MOBP: variants seen among roughly 807,000 people sequenced by gnomAD.
The protein encoded by MOBP is myelin associated oligodendrocyte basic protein, also known as myelin-associated oligodendrocyte basic protein.
Under a neutral mutation model 15.0 loss-of-function variants are expected in MOBP, and 5 were observed. The observed-to-expected ratio is 0.33, with a 90% confidence interval of 0.17 to 0.70. The LOEUF (loss-of-function observed/expected upper bound fraction) is 0.70. Ranked by LOEUF, MOBP falls within the 30% of genes least tolerant of loss-of-function variation. The pLI is 0.67. For missense variants in MOBP, 188 were observed against 257.8 expected (o/e 0.73, Z 1.85); for synonymous variants, 88 against 99.0 (o/e 0.89, Z 0.66).
downstream of MOBP, among the ~76,000 whole-genome samples, chr3:39,516,446 G>C (rs140457219): frequency 1.2e-4 from 19 of 152,256 alleles, no homozygotes; most frequent in East Asian, 3.7e-3. Flanking sequence ...GGAGAGTATA[G>C]ATTCTGGTGG....
At chr3:39,491,902 G>A (rs559704514) in intron 2 of MOBP, among the ~76,000 whole-genome samples, 1 of 152,254 alleles carries the variant, frequency 6.6e-6, no homozygotes, top group South Asian at 2.1e-4. Context: ...ATCCAGATAG[G>A]TTTAAAATTT....
downstream of MOBP, among the ~76,000 whole-genome samples, chr3:39,506,780 G>C (rs1254825538): frequency 6.6e-6 from 1 of 152,194 alleles, no homozygotes; most frequent in African/African-American, 2.4e-5. Flanking sequence ...GCACAAGAGT[G>C]GTAAGGGCAA....
At chr3:39,475,408 T>C (rs2042531596) in intron 1 of MOBP, among the ~76,000 whole-genome samples, 1 of 152,212 alleles carries the variant, frequency 6.6e-6, no homozygotes, top group Non-Finnish European at 1.5e-5. Flanking sequence ...TATTTTGAGA[T>C]GATACAAATA....
At chr3:39,468,800 ATACATATGTGTGTGTATACATAT>A (rs1336390769) in intron 1 of MOBP, among the ~76,000 whole-genome samples, 3 of 122,624 alleles carry the variant, frequency 2.4e-5, no homozygotes, top group East Asian at 2.1e-4. Context: ...GTGTGTATAT[ATACATATGTGTGTGTATACATAT>A]TACATATGTG....
rs1361598508 is a variant in MOBP at position 39,502,549 on chromosome 3, C to G, written c.221C>G (p.Ala74Gly). 1 of 1,579,914 alleles carries G rather than the reference C, an allele frequency of 6.3e-7. No individual in the cohort carries two copies. The highest frequency in any genetic ancestry group is 1.7e-5 in the Admixed American group (1 of 57,200). The stretch of plus-strand genomic sequence containing the variant: ...GGCCCTCTCAGAACCAGCCGCCGTG[C>G]CAAGTCCCCTCAGAGGCCCAAGCAA... ...ACQKTRTSRR[A>G]KSPQRPKQQP... The change falls in exon 4 of 4, where the codon GCC becomes GGC. Residue 74 changes from alanine to glycine, a missense_variant. Coordinates refer to ENST00000684792, the MANE Select transcript of MOBP (RefSeq NM_001393704.1). This position sits in a 1 kb window ranked among gnomAD's most constrained non-coding sequence, Gnocchi z 6.3.
intron 2 of MOBP, among the ~76,000 whole-genome samples, chr3:39,490,353 G>C (rs2042777344): frequency 6.6e-6 from 1 of 152,094 alleles, no homozygotes; most frequent in Admixed American, 6.5e-5. Context: ...TGCTCTCAAG[G>C]GCATTGATAT....
chr3:39,522,096 T>C (rs1167936737), intron 3 of MOBP, among the ~76,000 whole-genome samples: 1 of 152,172 alleles, frequency 6.6e-6, no homozygotes, highest in Non-Finnish European at 1.5e-5. Flanking sequence ...TGTAAGGTGG[T>C]TCAGAGAAAG....
downstream of MOBP, among the ~76,000 whole-genome samples, chr3:39,518,499 C>T (rs907344483): frequency 3.9e-5 from 6 of 152,072 alleles, no homozygotes; most frequent in Non-Finnish European, 5.9e-5. Flanking sequence ...TTATTTACAT[C>T]GACATTAACC....
chr3:39,529,265 G>A (rs1402473919), downstream of MOBP: 1 of 152,206 alleles, frequency 6.6e-6, no homozygotes, highest in Non-Finnish European at 1.5e-5. Context: ...TTGTAACTGA[G>A]CTTCTTCTCC....
At chr3:39,520,552 GTGTGTA>G (rs1209922240), downstream of MOBP, among the ~76,000 whole-genome samples, 720 of 83,080 alleles carry the variant, frequency 8.7e-3, 6 homozygotes, top group African/African-American at 0.025. Context: ...GTGTGTGTGT[GTGTGTA>G]TGTGTGTGTG....
intron 2 of MOBP, among the ~76,000 whole-genome samples, chr3:39,482,209 A>G (rs1355726333): frequency 1.3e-5 from 2 of 151,964 alleles, no homozygotes; most frequent in Non-Finnish European, 2.9e-5. Context: ...CCTCCTCATT[A>G]CCACTTCTTA....
At chr3:39,481,180 C>T (rs1186627540) in intron 2 of MOBP, among the ~76,000 whole-genome samples, 1 of 152,216 alleles carries the variant, frequency 6.6e-6, no homozygotes, top group Non-Finnish European at 1.5e-5. Context: ...TAAAGAAAAA[C>T]AGAGTGGAGC....
chr3:39,485,671 C>G (rs367828454), intron 2 of MOBP, among the ~76,000 whole-genome samples: 3 of 152,180 alleles, frequency 2.0e-5, no homozygotes, highest in Non-Finnish European at 4.4e-5. Context: ...TGGGGCTCAC[C>G]GGCCTGTGGG....
chr3:39,513,535 A>G, exon 5 of MOBP: 1 of 1,083,052 alleles, frequency 9.2e-7, no homozygotes, highest in Non-Finnish European at 1.4e-6. Flanking sequence ...AGGGGCAAAC[A>G]CCTGCTGATG....
exon 5 of MOBP, chr3:39,514,957 GGTGTGTGCGTGTGTGTGTGTGTGTGTGT>G (rs2043178391): frequency 7.3e-6 from 1 of 137,142 alleles, no homozygotes; most frequent in Non-Finnish European, 1.5e-5. Flanking sequence ...CCTGTGGACT[GGTGTGTGCGTGTGTGTGTGTGTGTGTGT>G]GTGTGTGTGT....
At chr3:39,480,954 T>C (rs1430003335) in intron 2 of MOBP, among the ~76,000 whole-genome samples, 1 of 152,236 alleles carries the variant, frequency 6.6e-6, no homozygotes, top group Non-Finnish European at 1.5e-5. Flanking sequence ...AAGTCTTCTT[T>C]CACTAGGTGC....
At chr3:39,512,762 A>G (rs1394529868) in intron 4 of MOBP, among the ~76,000 whole-genome samples, 1 of 152,200 alleles carries the variant, frequency 6.6e-6, no homozygotes, top group Non-Finnish European at 1.5e-5. Context: ...CACTGAAACT[A>G]TTTGACATAG....
chr3:39,525,428 T>C (rs1392972107), downstream of MOBP: 3 of 151,808 alleles, frequency 2.0e-5, no homozygotes, highest in Non-Finnish European at 4.4e-5. Context: ...AAGAAGAAAA[T>C]AGAATGTTGC....
downstream of MOBP, among the ~76,000 whole-genome samples, chr3:39,503,666 A>ATTTATTTG (rs2125658351): frequency 7.5e-6 from 1 of 133,966 alleles, no homozygotes; most frequent in East Asian, 2.1e-4. Context: ...TTTTTTATTT[A>ATTTATTTG]TTTATTTATT....
Sources: allele counts gnomAD v4.1 joint callset (sites outside exome capture counted in the v4.1 genomes callset), GRCh38; gene constraint gnomAD v4.1.1; non-coding constraint Gnocchi (gnomAD v3.1); transcripts MANE v1.5; gene names NCBI Gene and HGNC (gene_info 2026-07-23, HGNC 2026-07-21).